The following ZNF560 variants were observed in gnomAD, a reference collection of about 807,000 sequenced individuals.
ZNF560 encodes the protein zinc finger protein 560.
Under a neutral mutation model 81.8 loss-of-function variants are expected in ZNF560, and 54 were observed. That is an observed-to-expected ratio of 0.66 (90% CI 0.53 to 0.83). ZNF560 has a LOEUF of 0.83. Among genes scored for constraint, ZNF560 ranks in the 40% least tolerant of loss-of-function variants. ZNF560 has a pLI of 0.00. For synonymous variants in ZNF560, 321 were observed against 317.9 expected, an observed-to-expected ratio of 1.01 and a Z score of -0.10; for missense variants, 940 against 932.4, an observed-to-expected ratio of 1.01 and a Z score of -0.11.
At chr19:9,479,506 C>T (rs1017935402) in intron 2 of ZNF560, among the ~76,000 whole-genome samples, 16 of 151,946 alleles carry the variant, frequency 1.1e-4, no homozygotes, top group African/African-American at 3.6e-4. Context: ...ACACAAAGGT[C>T]GTTATATGAT....
chr19:9,465,283 A>T (rs949663497), downstream of ZNF560, among the ~76,000 whole-genome samples: 1 of 152,088 alleles, frequency 6.6e-6, no homozygotes, highest in Admixed American at 6.5e-5. Flanking sequence ...GGGGTGTACC[A>T]CCATGCCCAG....
rs1372066142 is a variant in ZNF560, at chr19:9,467,909, G to A, written c.1038C>T (p.Asn346=). Residue 346 remains asparagine (N), a synonymous_variant, in exon 10 of 10, where the codon AAC becomes AAT. Coordinates refer to ENST00000301480, the MANE Select transcript of ZNF560 (RefSeq NM_152476.3). ...TTCCACATTCCTTACATTCATAGGG[G>A]TTTTTAATAATGTGTGTTTCAACAT... ...AVNVETHIIK[N]PYECKECGKD... The A allele has an allele frequency of 2.5e-6, 4 of 1,614,172 alleles. No homozygotes were observed. Among genetic ancestry groups the A allele is most frequent in the East Asian group, 2.2e-5 (1 of 44,876 alleles).
At chr19:9,495,860 C>A (rs2144732030) in intron 2 of ZNF560, among the ~76,000 whole-genome samples, 1 of 152,284 alleles carries the variant, frequency 6.6e-6, no homozygotes, top group Non-Finnish European at 1.5e-5. Flanking sequence ...AATCTATTTT[C>A]AGATGTAGCA....
intron 7 of ZNF560, 136 bp downstream of exon 7, chr19:9,470,256 T>C (rs745694738): frequency 3.0e-6 from 3 of 994,772 alleles, no homozygotes; most frequent in Non-Finnish European, 2.9e-6. Flanking sequence ...CCTATTTTAC[T>C]CATTAAAAAA....
At chr19:9,493,993 C>T (rs966666190) in intron 2 of ZNF560, among the ~76,000 whole-genome samples, 5 of 151,670 alleles carry the variant, frequency 3.3e-5, no homozygotes, top group African/African-American at 7.3e-5. Flanking sequence ...ATTAGCTGGG[C>T]GTGGTGGTGT....
chr19:9,447,232 AC>A, the ZNF560 span, among the ~76,000 whole-genome samples: 1 of 152,122 alleles, frequency 6.6e-6, no homozygotes, highest in Non-Finnish European at 1.5e-5. Flanking sequence ...AATTCTACCA[AC>A]AATCTGACAC....
chr19:9,446,898 G>A, the ZNF560 span, among the ~76,000 whole-genome samples: 1 of 152,190 alleles, frequency 6.6e-6, no homozygotes, highest in Admixed American at 6.5e-5. Flanking sequence ...ACTTTGGGAG[G>A]CCGAGGTGGG....
In ZNF560 at chr19:9,467,316, T is replaced by TA. The variant is rs767378909; in HGVS notation, c.1630dup (p.Tyr544LeufsTer4). 1.2e-6 allele frequency: 2 copies of TA among 1,614,180 alleles called. No individual in the cohort carries two copies. The highest frequency in any genetic ancestry group is 1.1e-5 in the South Asian group (1 of 91,086). ...AGCTTTACCACATTTCTTACATTGA[T>TA]AGAGTCTCTCTTCTGTGTGAGTTCG... On this transcript the variant is annotated frameshift_variant, in exon 10 of 10. Coordinates refer to ENST00000301480, the MANE Select transcript of ZNF560 (RefSeq NM_152476.3). LOFTEE classifies it high-confidence loss of function.
the ZNF560 span, among the ~76,000 whole-genome samples, chr19:9,460,055 A>T: frequency 2.0e-5 from 3 of 152,306 alleles, no homozygotes; most frequent in East Asian, 5.8e-4. Context: ...GTAAAATAAT[A>T]ACATGGGGCA....
At chr19:9,486,826 A>G (rs1044667979) in intron 2 of ZNF560, among the ~76,000 whole-genome samples, 1 of 152,230 alleles carries the variant, frequency 6.6e-6, no homozygotes. Context: ...CTTTGTGCTA[A>G]TAACTCTTTG....
At position 9,469,127 on chromosome 19, in the gene ZNF560, T is replaced by G; in HGVS notation, c.590A>C (p.Lys197Thr). The G allele has an allele frequency of 6.3e-7, 1 of 1,595,094 alleles. No individual in the cohort carries two copies. Among genetic ancestry groups the G allele is most frequent in the Non-Finnish European group, 8.5e-7 (1 of 1,172,654 alleles). Residue 197 changes from lysine (K) to threonine (T), a missense_variant, in exon 9 of 10, where the codon AAA becomes ACA. By Grantham distance (78) the Lys-to-Thr change is moderately conservative (BLOSUM62 -1). Transcript: ENST00000301480. Reference sequence around the variant, plus strand: ...TACCAACTGTATCCCATTTAATGTTTTTAAACAAAAATTATCTTGCCAAAG... The same window carrying G: ...TACCAACTGTATCCCATTTAATGTTGTTAAACAAAAATTATCTTGCCAAAG... ...PALWQDNFCL[K>T]TLNGIQLARN...
At chr19:9,497,285 AAC>A (rs2073575022) in intron 2 of ZNF560, among the ~76,000 whole-genome samples, 1 of 152,198 alleles carries the variant, frequency 6.6e-6, no homozygotes, top group African/African-American at 2.4e-5. Flanking sequence ...TTAGTAAAAC[AAC>A]ACTCTTATCA....
chr19:9,467,766 T>A lies in ZNF560; in HGVS notation c.1181A>T (p.His394Leu), dbSNP rs531912949. 6.2e-7 allele frequency: 1 copy of A among 1,614,198 alleles called. No individual in the cohort carries two copies. Among genetic ancestry groups the A allele is most frequent in the South Asian group, 1.1e-5 (1 of 91,076 alleles). The change falls in exon 10 of 10, where the codon CAT (histidine) becomes CTT (leucine). Residue 394 changes from histidine (H) to leucine (L), a missense_variant. By Grantham distance (99) the His-to-Leu change is moderately conservative (BLOSUM62 -3). Coordinates refer to ENST00000301480, the MANE Select transcript of ZNF560 (RefSeq NM_152476.3). ...CTTCTCTCCAGTGTGAGTTCGTACATGTTCAAGAAAGCCTGACGGCACAGT... is the reference window on the plus strand; with the variant it reads ...CTTCTCTCCAGTGTGAGTTCGTACAAGTTCAAGAAAGCCTGACGGCACAGT... ...TFTVPSGFLE[H>L]VRTHTGEKPY...
chr19:9,487,685 G>A lies in ZNF560; in HGVS notation c.-57+10443C>T, dbSNP rs148793663. 3.5e-3 allele frequency among the ~76,000 whole-genome samples: 529 copies of A among 152,286 alleles called. 4 individuals carry two copies. Among genetic ancestry groups the A allele is most frequent in the African/African-American group, 0.012 (512 of 41,562 alleles). On this transcript the variant is annotated intron_variant, in intron 2 of 9. Coordinates refer to ENST00000301480, the MANE Select transcript of ZNF560 (RefSeq NM_152476.3). Reference sequence around the variant, plus strand: ...CTTGGGGTATAGTACTAAAGCAAAAGGCATTAGATTTCATTGGTGCATTTG... The same window carrying A: ...CTTGGGGTATAGTACTAAAGCAAAAAGCATTAGATTTCATTGGTGCATTTG...
intron 2 of ZNF560, among the ~76,000 whole-genome samples, chr19:9,486,016 T>G (rs960819264): frequency 2.0e-5 from 3 of 152,166 alleles, no homozygotes; most frequent in South Asian, 2.1e-4. Flanking sequence ...CAAACCAGAA[T>G]AGCATCGCAA....
rs74823721 is a variant in ZNF560 at position 9,474,187 on chromosome 19, T to A, written c.157+12A>T. ...TTCCCTAAGAGGCTGCATAAAATGA[T>A]GGCAGTCTTACCTACTTTGGCCACG... On this transcript the variant is annotated intron_variant, in intron 4 of 9. Coordinates refer to ENST00000301480, the MANE Select transcript of ZNF560 (RefSeq NM_152476.3). 7 of 1,614,104 alleles carry A rather than the reference T, an allele frequency of 4.3e-6. No homozygotes were observed. The South Asian group carries it at 6.6e-5, about 15-fold the overall frequency.
At chr19:9,453,142 A>G in the ZNF560 span, among the ~76,000 whole-genome samples, 1 of 152,202 alleles carries the variant, frequency 6.6e-6, no homozygotes, top group Non-Finnish European at 1.5e-5. Context: ...AAGAGACACA[A>G]GAGTGTTTGC....
At chr19:9,501,974 GAAAGCCAGGCTCT>G (rs1479087657), upstream of ZNF560, among the ~76,000 whole-genome samples, 2 of 151,696 alleles carry the variant, frequency 1.3e-5, no homozygotes, top group Non-Finnish European at 1.5e-5. Context: ...CCAACATGGT[GAAAGCCAGGCTCT>G]ACTAAAAATA....
chr19:9,466,353 AAAG>A (rs1046622599), exon 10 of ZNF560, among the ~76,000 whole-genome samples: 7 of 147,584 alleles, frequency 4.7e-5, no homozygotes, highest in African/African-American at 1.6e-4. Context: ...AAAAAAAAAA[AAAG>A]AGAGAGAGAA....
Sources: allele counts gnomAD v4.1 joint callset (sites outside exome capture counted in the v4.1 genomes callset), GRCh38; gene constraint gnomAD v4.1.1; transcripts MANE v1.5; gene names NCBI Gene and HGNC (gene_info 2026-07-23, HGNC 2026-07-21).